Variants in CNOT4 observed in about 807,000 individuals in gnomAD.
The protein encoded by CNOT4 is CCR4-associated factor 4.
Under a neutral mutation model 73.8 loss-of-function variants are expected in CNOT4, and 8 were observed. The observed-to-expected ratio is 0.11, with a 90% CI of 0.06 to 0.20. The LOEUF (loss-of-function observed/expected upper bound fraction) is 0.20. CNOT4 is among the 10% of genes least tolerant of loss of function. The pLI is 1.00. For missense variants in CNOT4, 564 were observed against 883.4 expected, an observed-to-expected ratio of 0.64 and a Z score of 4.58; for synonymous variants, 293 against 321.1, an observed-to-expected ratio of 0.91 and a Z score of 0.94.
chr7:135,462,436 A>C (rs564882873), intron 1 of CNOT4, among the ~76,000 whole-genome samples: 1 of 152,312 alleles, frequency 6.6e-6, no homozygotes, highest in African/African-American at 2.4e-5. Flanking sequence ...CTCTAAGAGA[A>C]AAGGGGATAG....
chr7:135,396,519 T>A (rs890486594), intron 8 of CNOT4, among the ~76,000 whole-genome samples: 4 of 152,204 alleles, frequency 2.6e-5, no homozygotes, highest in Non-Finnish European at 5.9e-5. Flanking sequence ...GTGAAAACTT[T>A]CCAGAGGCCA....
intron 7 of CNOT4, 83 bp from the exon 8 acceptor site, chr7:135,398,309 AAC>A: frequency 1.4e-6 from 1 of 732,442 alleles, no homozygotes. Context: ...AGAAAAAAAA[AAC>A]AGACACTTTA....
intron 1 of CNOT4, among the ~76,000 whole-genome samples, chr7:135,464,938 A>G (rs1330092156): frequency 1.3e-5 from 2 of 152,234 alleles, no homozygotes; most frequent in African/African-American, 2.4e-5. Context: ...CCTAAGGTAC[A>G]AGAAACACAG....
At chr7:135,504,482 TTTTTTTTA>T (rs1804219675) in intron 1 of CNOT4, among the ~76,000 whole-genome samples, 1 of 57,126 alleles carries the variant, frequency 1.8e-5, no homozygotes, top group African/African-American at 9.3e-5. Context: ...TTTTTTTTTT[TTTTTTTTA>T]TTTTTATTTT....
rs569315179 is a variant in CNOT4, at chr7:135,384,285, CTCTCT to C, written c.1627+9628_1627+9632del. The stretch of plus-strand genomic sequence containing the variant: ...AGGAAGATACAGCCCACCTCTCTCT[CTCTCT>C]TTTTTTTTTTTTTAGACGGAGTCTC... On this transcript the variant is annotated intron_variant, in intron 10 of 11. Coordinates refer to ENST00000541284, the MANE Select transcript of CNOT4 (RefSeq NM_001190850.2). 9.3e-5 allele frequency: 15 copies of C among 161,170 alleles called. No homozygotes were observed. In the South Asian group the frequency reaches 2.5e-3, roughly 26 times the overall value. 10.0% of individuals were successfully genotyped at this position (161,170 alleles called of 1,614,324 possible).
At chr7:135,376,782 A>C (rs1795545899) in intron 10 of CNOT4, among the ~76,000 whole-genome samples, 1 of 152,218 alleles carries the variant, frequency 6.6e-6, no homozygotes, top group Non-Finnish European at 1.5e-5. Context: ...TTAAGCATTT[A>C]AATCAACATA....
chr7:135,441,330 C>T (rs978353589), intron 1 of CNOT4, among the ~76,000 whole-genome samples: 1 of 151,276 alleles, frequency 6.6e-6, no homozygotes, highest in Non-Finnish European at 1.5e-5. Flanking sequence ...TTACTTCTCA[C>T]TTTTGCTAAT....
intron 1 of CNOT4, among the ~76,000 whole-genome samples, chr7:135,461,021 G>A (rs1800842827): frequency 6.6e-6 from 1 of 152,092 alleles, no homozygotes; most frequent in Non-Finnish European, 1.5e-5. Context: ...TTTAGCTCAT[G>A]GACTTTACAA....
chr7:135,373,272 A>C (rs549959541), intron 10 of CNOT4, among the ~76,000 whole-genome samples: 4 of 152,374 alleles, frequency 2.6e-5, no homozygotes, highest in Admixed American at 6.5e-5. Context: ...CATATTTGAC[A>C]GGAGAAAAGG....
chr7:135,367,463 GACACCTAATTC>G (rs1172221383), intron 10 of CNOT4, among the ~76,000 whole-genome samples: 1 of 152,066 alleles, frequency 6.6e-6, no homozygotes, highest in African/African-American at 2.4e-5. Context: ...TACATCCCAG[GACACCTAATTC>G]ATAACTAAAA....
chr7:135,399,880 C>T (rs1796910428), intron 7 of CNOT4, among the ~76,000 whole-genome samples: 1 of 151,972 alleles, frequency 6.6e-6, no homozygotes, highest in African/African-American at 2.4e-5. Context: ...CCTGAGCCCA[C>T]TAAGTTTAGA....
chr7:135,372,165 T>C (rs981417615), intron 10 of CNOT4, among the ~76,000 whole-genome samples: 4 of 152,204 alleles, frequency 2.6e-5, no homozygotes, highest in African/African-American at 9.7e-5. Flanking sequence ...TGATAAAACA[T>C]TCCTTGCTGA....
At chr7:135,365,740 T>C (rs556353233) in intron 10 of CNOT4, among the ~76,000 whole-genome samples, 70 of 152,336 alleles carry the variant, frequency 4.6e-4, no homozygotes, top group African/African-American at 1.7e-3. Flanking sequence ...AGAAGCATTA[T>C]AGTGTGTCCA....
intron 10 of CNOT4, chr7:135,384,453 T>C (rs906216972): frequency 2.2e-6 from 1 of 453,644 alleles, no homozygotes. Flanking sequence ...CCCAGCTAAT[T>C]TTTTTGTATT....
intron 7 of CNOT4, among the ~76,000 whole-genome samples, chr7:135,409,988 T>C (rs890189998): frequency 2.6e-5 from 4 of 152,146 alleles, no homozygotes; most frequent in African/African-American, 7.2e-5. Flanking sequence ...AGATGGAAGA[T>C]AGGAGATGAC....
At chr7:135,444,121 A>G (rs1799660912) in intron 1 of CNOT4, among the ~76,000 whole-genome samples, 1 of 151,504 alleles carries the variant, frequency 6.6e-6, no homozygotes, top group African/African-American at 2.4e-5. Context: ...AGCCTGGGGG[A>G]GACAGTGAAA....
intron 1 of CNOT4, among the ~76,000 whole-genome samples, chr7:135,496,077 T>C (rs1803557001): frequency 6.6e-6 from 1 of 152,164 alleles, no homozygotes; most frequent in South Asian, 2.1e-4. Flanking sequence ...AGTTATTTTC[T>C]TGACTAAATA....
At chr7:135,447,014 G>A (rs1192394057) in intron 1 of CNOT4, among the ~76,000 whole-genome samples, 1 of 121,638 alleles carries the variant, frequency 8.2e-6, no homozygotes, top group South Asian at 2.7e-4. Flanking sequence ...GAAATGACCC[G>A]GTGCATCACA....
At chr7:135,408,747 C>A (rs1325885618) in intron 7 of CNOT4, among the ~76,000 whole-genome samples, 1 of 152,142 alleles carries the variant, frequency 6.6e-6, no homozygotes, top group Non-Finnish European at 1.5e-5. Context: ...AGGAAATCCA[C>A]GCAGACATGG....
Sources: gnomAD v4.1 joint callset for allele counts (sites outside exome capture counted in the v4.1 genomes callset) on GRCh38, gnomAD v4.1.1 for gene constraint, MANE v1.5 for transcripts, NCBI Gene and HGNC (gene_info 2026-07-23, HGNC 2026-07-21) for gene names.